The following MYOM2 variants were observed in gnomAD, a reference collection of about 807,000 sequenced individuals.
The protein encoded by MYOM2 is myomesin 2, also known as myomesin-2.
Under a neutral mutation model 187.6 loss-of-function variants are expected in MYOM2, and 254 were observed. The ratio of observed to expected loss-of-function variants is 1.35; its 90% CI spans 1.22 to 1.50. MYOM2 has a LOEUF of 1.50. Among genes scored for constraint, MYOM2 ranks in the 40% most tolerant of loss-of-function variants. The pLI is 0.00. For missense variants in MYOM2, 2,796 were observed against 1,924.0 expected (o/e 1.45, Z -8.48); for synonymous variants, 981 against 753.8 (o/e 1.30, Z -4.94).
intron 31 of MYOM2, 99 bp downstream of exon 31, chr8:2,124,316 T>G (rs1048554108): frequency 1.7e-5 from 20 of 1,208,406 alleles, no homozygotes; most frequent in Admixed American, 1.2e-4. Flanking sequence ...ACCATGGAGC[T>G]GTGGTGCGTG....
intron 13 of MYOM2, among the ~76,000 whole-genome samples, chr8:2,082,678 A>G (rs1304731042): frequency 6.6e-6 from 1 of 152,136 alleles, no homozygotes; most frequent in Non-Finnish European, 1.5e-5. Context: ...GCCAGAATAG[A>G]CCCTCACAGA....
intron 13 of MYOM2, among the ~76,000 whole-genome samples, chr8:2,083,301 G>A (rs1819692327): frequency 1.3e-5 from 2 of 152,040 alleles, no homozygotes. Context: ...TTGCTTAGCA[G>A]TGTCTCATGT....
chr8:2,098,744 A>T (rs1796580545), intron 18 of MYOM2, 113 bp from the exon 19 acceptor site: 3 of 1,204,006 alleles, frequency 2.5e-6, no homozygotes, highest in Non-Finnish European at 3.4e-6. Context: ...TTTCCCGACA[A>T]GGTTCCTTCC....
chr8:2,119,990 A>C (rs930078609), intron 28 of MYOM2, among the ~76,000 whole-genome samples: 4 of 152,082 alleles, frequency 2.6e-5, no homozygotes, highest in Non-Finnish European at 4.4e-5. Flanking sequence ...AAGATGAGGA[A>C]GGTAGCCCAC....
At chr8:2,122,883 C>A (rs1380532429) in intron 28 of MYOM2, among the ~76,000 whole-genome samples, 1 of 152,098 alleles carries the variant, frequency 6.6e-6, no homozygotes, top group Non-Finnish European at 1.5e-5. Flanking sequence ...CTTTACAGAC[C>A]CCTCAGAATA....
At chr8:2,083,772 A>G (rs535851346) in intron 13 of MYOM2, among the ~76,000 whole-genome samples, 133 of 152,294 alleles carry the variant, frequency 8.7e-4, no homozygotes, top group African/African-American at 3.1e-3. Flanking sequence ...GTGTGATCAC[A>G]TTGCCCAGGC....
chr8:2,050,301 G>A (rs1384853110), intron 1 of MYOM2, among the ~76,000 whole-genome samples: 3 of 152,032 alleles, frequency 2.0e-5, no homozygotes, highest in Non-Finnish European at 2.9e-5. Context: ...TGGGCCACTC[G>A]GCCGTCCTGG....
intron 3 of MYOM2, among the ~76,000 whole-genome samples, chr8:2,056,434 G>A (rs1205971376): frequency 2.6e-5 from 4 of 152,256 alleles, no homozygotes; most frequent in Middle Eastern, 3.4e-3. Flanking sequence ...GCATCTCAGA[G>A]CATGGAGGCA....
intron 30 of MYOM2, 102 bp from the exon 31 acceptor site, chr8:2,124,077 C>G (rs1797550146): frequency 7.7e-6 from 9 of 1,170,538 alleles, no homozygotes; most frequent in Admixed American, 2.2e-5. Context: ...CATTTTTCAA[C>G]TGAACATCAC....
chr8:2,069,017 T>G (rs1303190152), intron 6 of MYOM2, among the ~76,000 whole-genome samples: 3 of 152,200 alleles, frequency 2.0e-5, no homozygotes, highest in Non-Finnish European at 2.9e-5. Context: ...CAAAGGATTT[T>G]CAGGAGTGCC....
intron 3 of MYOM2, among the ~76,000 whole-genome samples, chr8:2,056,255 G>T (rs1391276438): frequency 6.6e-6 from 1 of 152,206 alleles, no homozygotes; most frequent in Non-Finnish European, 1.5e-5. Context: ...GGTGTTGGAG[G>T]AAGGATGGAG....
At chr8:2,074,955 C>T (rs73657720) in intron 10 of MYOM2, among the ~76,000 whole-genome samples, 3,179 of 152,338 alleles carry the variant, frequency 0.021, 116 homozygotes, top group African/African-American at 0.074. Flanking sequence ...CCCGATCAGC[C>T]GGGCATCCTT....
At chr8:2,061,662 C>A (rs943296939) in intron 6 of MYOM2, among the ~76,000 whole-genome samples, 5 of 152,196 alleles carry the variant, frequency 3.3e-5, no homozygotes, top group Non-Finnish European at 4.4e-5. Context: ...GGGCCTGGGG[C>A]CTTTGTCCTG....
At chr8:2,116,606 C>G (rs752215972) in intron 27 of MYOM2, among the ~76,000 whole-genome samples, 1 of 152,164 alleles carries the variant, frequency 6.6e-6, no homozygotes, top group Non-Finnish European at 1.5e-5. Context: ...CAGGAAATTG[C>G]TCATTCTACT....
At chr8:2,097,979 GCTCCC>G (rs1475949889) in intron 18 of MYOM2, 61,179 of 151,716 alleles carry the variant, frequency 0.4, 12,752 homozygotes, top group East Asian at 0.54. Flanking sequence ...CCGCCCCTCA[GCTCCC>G]TGTCTTTGTG....
intron 6 of MYOM2, among the ~76,000 whole-genome samples, chr8:2,068,309 C>T (rs546877906): frequency 1.3e-4 from 19 of 150,270 alleles, no homozygotes; most frequent in African/African-American, 4.7e-4. Flanking sequence ...CTCTTCAATG[C>T]CTGTGTGTAC....
intron 27 of MYOM2, among the ~76,000 whole-genome samples, chr8:2,117,022 C>A (rs976547096): frequency 3.9e-5 from 6 of 152,228 alleles, no homozygotes; most frequent in African/African-American, 1.4e-4. Flanking sequence ...CTTGGCCTCC[C>A]AAAGTGCTGG....
intron 6 of MYOM2, among the ~76,000 whole-genome samples, chr8:2,068,941 C>T (rs34357314): frequency 0.37 from 56,814 of 152,068 alleles, 11,571 homozygotes; most frequent in Middle Eastern, 0.5. Context: ...AAGATGAAAC[C>T]GCGCATTCCA....
chr8:2,049,746 C>T (rs2129326588), intron 1 of MYOM2, among the ~76,000 whole-genome samples: 1 of 152,326 alleles, frequency 6.6e-6, no homozygotes, highest in Non-Finnish European at 1.5e-5. Flanking sequence ...AATACGGTCC[C>T]TACGTAACTT....
Sources: allele counts gnomAD v4.1 joint callset (sites outside exome capture counted in the v4.1 genomes callset), GRCh38; gene constraint gnomAD v4.1.1; transcripts MANE v1.5; gene names NCBI Gene and HGNC (gene_info 2026-07-23, HGNC 2026-07-21).